The following SI variants were observed in gnomAD, a reference collection of about 807,000 sequenced individuals.
The protein encoded by SI is sucrase-isomaltase.
SI carries 235 observed loss-of-function variants against 253.3 expected under a neutral mutation model. The observed-to-expected ratio is 0.93, with a 90% confidence interval of 0.83 to 1.03. SI has a LOEUF of 1.03. Ranked by LOEUF, SI falls within the 50% of genes least tolerant of loss-of-function variation. The pLI is 0.00. For synonymous variants in SI, 819 were observed against 712.0 expected, an observed-to-expected ratio of 1.15 and a Z score of -2.39; for missense variants, 2,442 against 2,211.1, an observed-to-expected ratio of 1.10 and a Z score of -2.09.
chr3:164,992,532 A>T (rs895708391), intron 41 of SI, 135 bp from the exon 42 acceptor site: 2 of 652,766 alleles, frequency 3.1e-6, no homozygotes, highest in East Asian at 2.7e-5. Flanking sequence ...TAAAAAAATT[A>T]AAAAATATAT....
chr3:165,080,078 G>T (rs1715249729), upstream of SI, among the ~76,000 whole-genome samples: 2 of 151,898 alleles, frequency 1.3e-5, no homozygotes, highest in African/African-American at 2.4e-5. Context: ...AACAACAAAA[G>T]TGTCTGTAAA....
Position 164,992,372 on chromosome 3 carries a change from C to T in SI, c.4867G>A (p.Asp1623Asn). Residue 1623 changes from aspartate to asparagine, a missense_variant, in exon 42 of 48, where the codon GAT becomes AAT. Transcript: ENST00000264382. The stretch of plus-strand genomic sequence containing the variant: ...CCCCATAAGAACTGCTTGAATATAT[C>T]CCAGGTTGGTTTTTCATCAAAGAAC... ...HEFFDEKPTW[D>N]IFKQFLWGPA... is the part of the protein sequence containing the mutation. The T allele has an allele frequency of 6.2e-7, 1 of 1,611,736 alleles. No individual in the cohort carries two copies. Among genetic ancestry groups the T allele is most frequent in the Admixed American group, 1.7e-5 (1 of 59,726 alleles).
intron 41 of SI, 81 bp downstream of exon 41, chr3:164,994,174 TTA>T: frequency 4.0e-6 from 5 of 1,264,808 alleles, no homozygotes; most frequent in Non-Finnish European, 5.7e-6. Flanking sequence ...CTAAAATATT[TTA>T]TATTGCACTA....
At chr3:165,075,060 G>T (rs1194214984) in intron 2 of SI, among the ~76,000 whole-genome samples, 3 of 151,960 alleles carry the variant, frequency 2.0e-5, no homozygotes, top group African/African-American at 7.2e-5. Flanking sequence ...AATTAGAGAA[G>T]AGGAAAGTAG....
chr3:165,035,860 T>C (rs1400283271), intron 22 of SI, among the ~76,000 whole-genome samples: 1 of 151,670 alleles, frequency 6.6e-6, no homozygotes, highest in Non-Finnish European at 1.5e-5. Flanking sequence ...GAAGATTACT[T>C]TTAAACATTT....
intron 28 of SI, among the ~76,000 whole-genome samples, chr3:165,018,855 T>A (rs1719170217): frequency 6.6e-6 from 1 of 151,612 alleles, no homozygotes; most frequent in Non-Finnish European, 1.5e-5. Flanking sequence ...TTCAATAACC[T>A]AAGTTTGGAG....
At chr3:165,021,683 T>C (rs974248904) in intron 26 of SI, among the ~76,000 whole-genome samples, 1 of 151,710 alleles carries the variant, frequency 6.6e-6, no homozygotes, top group Non-Finnish European at 1.5e-5. Flanking sequence ...TGTATGGGTA[T>C]ACCAAAATTA....
chr3:165,089,326 G>A, the SI span, among the ~76,000 whole-genome samples: 34 of 152,090 alleles, frequency 2.2e-4, no homozygotes, highest in Non-Finnish European at 1.3e-4. Flanking sequence ...GGGAGAGAGG[G>A]TTAAGAAGAC....
chr3:164,980,927 G>A (rs1717155672), intron 47 of SI, among the ~76,000 whole-genome samples: 1 of 151,844 alleles, frequency 6.6e-6, no homozygotes, highest in African/African-American at 2.4e-5. Flanking sequence ...TTATCTGATT[G>A]AACATTGGAC....
At chr3:165,029,887 C>T (rs1441931488) in intron 25 of SI, among the ~76,000 whole-genome samples, 1 of 150,202 alleles carries the variant, frequency 6.7e-6, no homozygotes, top group Non-Finnish European at 1.5e-5. Context: ...TTTTCTTCTC[C>T]TTACTTTTTC....
chr3:165,043,655 T>C (rs540376232), intron 16 of SI, among the ~76,000 whole-genome samples: 1 of 152,166 alleles, frequency 6.6e-6, no homozygotes, highest in South Asian at 2.1e-4. Context: ...TGTGTACCCA[T>C]GTAAGACTGC....
chr3:165,009,333 G>C lies in SI; in HGVS notation c.4125C>G (p.Ala1375=). 6.2e-7 allele frequency: 1 copy of C among 1,613,538 alleles called. No individual in the cohort carries two copies. The highest frequency in any genetic ancestry group is 2.2e-5 in the East Asian group (1 of 44,800). The change falls in exon 35 of 48, where the codon GCC becomes GCG. Residue 1375 remains alanine (A), a synonymous_variant. Transcript: ENST00000264382. ...FFRTSTAEWW[A]REIVDFYNEK... ...CATTGTAAAAGTCCACAATTTCTCTGGCCCACCACTCTGCTGTGGAAGTCC... is the reference window on the plus strand; with the variant it reads ...CATTGTAAAAGTCCACAATTTCTCTCGCCCACCACTCTGCTGTGGAAGTCC...
In SI at chr3:165,049,246, T is replaced by C; in HGVS notation, c.1598-2A>G. On this transcript the variant is annotated splice_acceptor_variant, in intron 14 of 47. Transcript: ENST00000264382. LOFTEE classifies it high-confidence loss of function. ...AATACATGAGTTTGTCAAGAATATCTTTGAGAAAATACATAAGAAACATTT... is the reference window on the plus strand; with the variant it reads ...AATACATGAGTTTGTCAAGAATATCCTTGAGAAAATACATAAGAAACATTT... 1 of 1,474,044 alleles carries C rather than the reference T, an allele frequency of 6.8e-7. No homozygotes were observed. The highest frequency in any genetic ancestry group is 9.5e-7 in the Non-Finnish European group (1 of 1,053,432). 91.3% of individuals were successfully genotyped at this position (1,474,044 alleles called of 1,614,324 possible). A position where few individuals can be genotyped will look rare whatever the true frequency, so the allele number is the denominator to read the frequency against.
chr3:165,077,552 T>C (rs1225779113), intron 1 of SI, among the ~76,000 whole-genome samples: 3 of 151,682 alleles, frequency 2.0e-5, no homozygotes, highest in African/African-American at 7.2e-5. Context: ...AAGCTGTTTA[T>C]TGCATCAGTA....
At chr3:165,019,934 A>G (rs1276839276) in intron 27 of SI, among the ~76,000 whole-genome samples, 164 bp from the exon 28 acceptor site, 1 of 151,852 alleles carries the variant, frequency 6.6e-6, no homozygotes, top group African/African-American at 2.4e-5. Flanking sequence ...AATCTAATAC[A>G]TGTTTTCTTT....
intron 45 of SI, among the ~76,000 whole-genome samples, chr3:164,985,046 T>C (rs1717372172): frequency 6.6e-6 from 1 of 152,158 alleles, no homozygotes; most frequent in South Asian, 2.1e-4. Context: ...CAAAAAACAA[T>C]TTTTTATACT....
chr3:165,050,089 A>G (rs1484894552), intron 13 of SI, among the ~76,000 whole-genome samples: 1 of 152,122 alleles, frequency 6.6e-6, no homozygotes, highest in Non-Finnish European at 1.5e-5. Context: ...AACAATCAAA[A>G]TGTAGTTCAT....
At chr3:165,018,224 T>C (rs2108176710) in intron 28 of SI, among the ~76,000 whole-genome samples, 158 bp from the exon 29 acceptor site, 1 of 151,772 alleles carries the variant, frequency 6.6e-6, no homozygotes. Context: ...TGTGTCTCCC[T>C]AGAATATAAT....
intron 13 of SI, among the ~76,000 whole-genome samples, chr3:165,051,050 G>A (rs1445083321): frequency 6.6e-6 from 1 of 151,982 alleles, no homozygotes; most frequent in Non-Finnish European, 1.5e-5. Context: ...TTAAACACAT[G>A]TAATGGTGAA....
Sources: allele counts gnomAD v4.1 joint callset (sites outside exome capture counted in the v4.1 genomes callset), GRCh38; gene constraint gnomAD v4.1.1; transcripts MANE v1.5; gene names NCBI Gene and HGNC (gene_info 2026-07-23, HGNC 2026-07-21).